ARID1A: variants seen among roughly 807,000 people sequenced by gnomAD.
ARID1A encodes AT-rich interactive domain-containing protein 1A.
Under a neutral mutation model 212.6 loss-of-function variants are expected in ARID1A, and 20 were observed. The observed-to-expected ratio is 0.09, with a 90% CI of 0.07 to 0.14. The LOEUF (loss-of-function observed/expected upper bound fraction) is 0.14. Among genes scored for constraint, ARID1A ranks in the 10% least tolerant of loss-of-function variants. ARID1A has a pLI of 1.00. For missense variants in ARID1A, 2,587 were observed against 3,059.0 expected (o/e 0.85, Z 3.64); for synonymous variants, 1,376 against 1,222.1 (o/e 1.13, Z -2.63).
chr1:26,703,804 TA>T (rs2124752958), intron 1 of ARID1A, among the ~76,000 whole-genome samples: 1 of 152,312 alleles, frequency 6.6e-6, no homozygotes, highest in East Asian at 1.9e-4. Context: ...GGAAGAGATT[TA>T]AAAGGTAGAA....
chr1:26,746,543 G>A (rs1239933378), intron 4 of ARID1A, among the ~76,000 whole-genome samples: 1 of 152,212 alleles, frequency 6.6e-6, no homozygotes, highest in African/African-American at 2.4e-5. Context: ...AAGCCAAGGT[G>A]AGAATCTGTT....
chr1:26,703,326 A>G (rs148937910), intron 1 of ARID1A, among the ~76,000 whole-genome samples: 1 of 152,326 alleles, frequency 6.6e-6, no homozygotes, highest in Non-Finnish European at 1.5e-5. Flanking sequence ...AAGAAGAAGA[A>G]TCTATGAATA....
chr1:26,699,620 T>C (rs2080312944), intron 1 of ARID1A, among the ~76,000 whole-genome samples: 1 of 152,250 alleles, frequency 6.6e-6, no homozygotes, highest in Non-Finnish European at 1.5e-5. Flanking sequence ...GTTTTTCTAG[T>C]GTCTGGAGGA....
intron 4 of ARID1A, among the ~76,000 whole-genome samples, chr1:26,756,810 C>A (rs1048420887): frequency 1.3e-5 from 2 of 151,698 alleles, no homozygotes; most frequent in Non-Finnish European, 2.9e-5. Flanking sequence ...TCACGCCATT[C>A]TCCTGCCTCA....
chr1:26,726,558 T>C (rs1489580002), intron 1 of ARID1A, among the ~76,000 whole-genome samples: 1 of 152,220 alleles, frequency 6.6e-6, no homozygotes, highest in Non-Finnish European at 1.5e-5. Flanking sequence ...ACTTTTTTTC[T>C]ACCTTCAAAG....
At chr1:26,746,462 G>A (rs193020559) in intron 4 of ARID1A, among the ~76,000 whole-genome samples, 10 of 152,252 alleles carry the variant, frequency 6.6e-5, no homozygotes, top group African/African-American at 2.4e-4. Context: ...GGGAGACTTG[G>A]GTCTTTTGAA....
At chr1:26,718,832 C>G (rs2080530210) in intron 1 of ARID1A, among the ~76,000 whole-genome samples, 1 of 152,176 alleles carries the variant, frequency 6.6e-6, no homozygotes, top group Admixed American at 6.5e-5. Context: ...TTTGACTGTA[C>G]TTTGTTTTTC....
At chr1:26,734,846 T>G (rs1472412718) in intron 4 of ARID1A, among the ~76,000 whole-genome samples, 1 of 152,170 alleles carries the variant, frequency 6.6e-6, no homozygotes, top group African/African-American at 2.4e-5. Context: ...AACAAATGTT[T>G]ATGAGGTACC....
At chr1:26,750,162 C>T (rs2080872150) in intron 4 of ARID1A, among the ~76,000 whole-genome samples, 1 of 152,140 alleles carries the variant, frequency 6.6e-6, no homozygotes, top group South Asian at 2.1e-4. Context: ...CTGTGCCCTG[C>T]CTATAGGGTG....
At chr1:26,730,809 C>G (rs1322249593) in intron 2 of ARID1A, among the ~76,000 whole-genome samples, 2 of 152,170 alleles carry the variant, frequency 1.3e-5, no homozygotes, top group Non-Finnish European at 2.9e-5. Context: ...GGTTAGGGTA[C>G]AGATTCCTAA....
chr1:26,776,052 A>G (rs980550181), intron 19 of ARID1A: 17 of 378,326 alleles, frequency 4.5e-5, no homozygotes, highest in African/African-American at 1.9e-4. Flanking sequence ...AGGTCTCACT[A>G]TGTTGCCGAG....
rs2124741699 is a variant in ARID1A, at chr1:26,696,803, G to A, written c.400G>A (p.Ala134Thr). The change falls in exon 1 of 20, where the codon GCG (alanine) becomes ACG (threonine). Residue 134 changes from alanine (A) to threonine (T), a missense_variant. Transcript: ENST00000324856. ...TGGCGGCAGCAGCGATGGGGTGGGG[G>A]CGCCTCCTCACTCAGCCGCGGCCGC... ...GGGGSSDGVGAPPHSAAAALP... is the reference protein window; with the variant it reads ...GGGGSSDGVGTPPHSAAAALP... The A allele has an allele frequency of 2.2e-6, 3 of 1,340,152 alleles. No individual in the cohort carries two copies. The highest frequency in any genetic ancestry group is 2.9e-6 in the Non-Finnish European group (3 of 1,049,830). 83.0% of individuals were successfully genotyped at this position (1,340,152 alleles called of 1,614,324 possible). A position where few individuals can be genotyped will look rare whatever the true frequency, so the allele number is the denominator to read the frequency against.
intron 8 of ARID1A, among the ~76,000 whole-genome samples, chr1:26,764,083 C>T (rs1408152292): frequency 2.6e-5 from 4 of 152,124 alleles, no homozygotes; most frequent in African/African-American, 9.7e-5. Flanking sequence ...AATTGTCCTG[C>T]CTCAGCCTCC....
chr1:26,729,975 C>G, intron 2 of ARID1A, 112 bp downstream of exon 2: 1 of 1,297,356 alleles, frequency 7.7e-7, no homozygotes, highest in African/African-American at 1.5e-5. Context: ...GGAATGTAGA[C>G]CTGTTGGCTC....
chr1:26,712,109 T>C (rs1186845259), intron 1 of ARID1A, among the ~76,000 whole-genome samples: 1 of 152,006 alleles, frequency 6.6e-6, no homozygotes, highest in Non-Finnish European at 1.5e-5. Flanking sequence ...GGATCTTGAC[T>C]GTGGTGGTCT....
intron 4 of ARID1A, 101 bp downstream of exon 4, chr1:26,732,893 T>C: frequency 9.9e-7 from 1 of 1,008,952 alleles, no homozygotes; most frequent in African/African-American, 1.6e-5. Flanking sequence ...TTGACCTAAA[T>C]GAATAAGTTA....
Position 26,780,486 on chromosome 1 carries a change from G to C in ARID1A, c.6588G>C (p.Leu2196=), listed in dbSNP as rs1279934842. The change falls in exon 20 of 20, where the codon CTG becomes CTC. Residue 2196 remains leucine, a synonymous_variant. Transcript: ENST00000324856. This position sits in a 1 kb window ranked among gnomAD's most constrained non-coding sequence, Gnocchi z 7.2. ...AGAAGGGCAGTATCGGCAACCTCCT[G>C]GGCTTCCTAGAGGACAGCCTTGCCG... ...AVQKGSIGNL[L]GFLEDSLAAT... is the part of the protein sequence containing the mutation. The C allele has an allele frequency of 6.2e-7, 1 of 1,614,174 alleles. No individual in the cohort carries two copies. Among genetic ancestry groups the C allele is most frequent in the Non-Finnish European group, 8.5e-7 (1 of 1,180,026 alleles).
At chr1:26,721,203 GTTTGTT>G (rs961663063) in intron 1 of ARID1A, among the ~76,000 whole-genome samples, 15 of 152,022 alleles carry the variant, frequency 9.9e-5, no homozygotes, top group African/African-American at 2.4e-4. Context: ...GGTCACCCTG[GTTTGTT>G]TTTGTTTTTG....
chr1:26,744,949 C>A (rs1172058868), intron 4 of ARID1A, among the ~76,000 whole-genome samples: 1 of 152,160 alleles, frequency 6.6e-6, no homozygotes, highest in Non-Finnish European at 1.5e-5. Context: ...AGGCTCCCCC[C>A]TCTTGCCCAT....
Sources: gnomAD v4.1 joint callset for allele counts (sites outside exome capture counted in the v4.1 genomes callset) on GRCh38, gnomAD v4.1.1 for gene constraint, Gnocchi (gnomAD v3.1) non-coding constraint, MANE v1.5 for transcripts, NCBI Gene and HGNC (gene_info 2026-07-23, HGNC 2026-07-21) for gene names.